The following PARN variants were observed in gnomAD, a reference collection of about 807,000 sequenced individuals.
PARN encodes the protein poly(A)-specific ribonuclease PARN.
A neutral mutation model predicts 102.8 loss-of-function variants in PARN; 71 were observed. The ratio of observed to expected loss-of-function variants is 0.69; its 90% CI spans 0.57 to 0.84. The LOEUF (loss-of-function observed/expected upper bound fraction) is 0.84. Ranked by LOEUF, PARN falls within the 40% of genes least tolerant of loss-of-function variation. The pLI is 0.00. For missense variants in PARN, 782 were observed against 760.9 expected (o/e 1.03, Z -0.33); for synonymous variants, 261 against 252.9 (o/e 1.03, Z -0.30).
At chr16:14,492,171 G>T (rs1461605877) in intron 21 of PARN, among the ~76,000 whole-genome samples, 6 of 152,232 alleles carry the variant, frequency 3.9e-5, no homozygotes, top group East Asian at 1.9e-4. Context: ...GAGGCTGAAA[G>T]AGTAGAAACT....
At chr16:14,485,198 T>A (rs888882534) in intron 21 of PARN, among the ~76,000 whole-genome samples, 3 of 151,952 alleles carry the variant, frequency 2.0e-5, no homozygotes, top group Non-Finnish European at 4.4e-5. Context: ...GGAGATGTGC[T>A]ATTGAGTAAA....
At chr16:14,501,787 T>G (rs576686791) in intron 21 of PARN, 1 of 152,316 alleles carries the variant, frequency 6.6e-6, no homozygotes, top group East Asian at 1.9e-4. Flanking sequence ...CTTTGGGGAA[T>G]GCATTAGGAA....
At chr16:14,583,484 A>G (rs1186103069) in intron 16 of PARN, among the ~76,000 whole-genome samples, 1 of 152,104 alleles carries the variant, frequency 6.6e-6, no homozygotes, top group Non-Finnish European at 1.5e-5. Flanking sequence ...AATATCTTCC[A>G]CTCCATCATC....
At chr16:14,449,872 T>G (rs1165013677) in intron 22 of PARN, among the ~76,000 whole-genome samples, 1 of 152,168 alleles carries the variant, frequency 6.6e-6, no homozygotes, top group Non-Finnish European at 1.5e-5. Context: ...ATGGGTCCTT[T>G]CTCACATTAC....
In PARN at chr16:14,629,633, C is replaced by A; in HGVS notation, c.61G>T (p.Glu21Ter). 1 of 1,613,648 alleles carries A rather than the reference C, an allele frequency of 6.2e-7. No homozygotes were observed. The highest frequency in any genetic ancestry group is 8.5e-7 in the Non-Finnish European group (1 of 1,179,522). ...CCATCGATGGCGAAGAAGTCGGCCT[C>A]CTCTATGGCCTGGTACACTTTGTGA... ...NLHKVYQAIE[E>*]ADFFAIDGEF... The change falls in exon 2 of 24, where the codon GAG (glutamate) becomes TAG (stop). Residue 21 changes from glutamate (E) to a stop codon, truncating the protein, a stop_gained. Transcript: ENST00000437198. LOFTEE classifies it high-confidence loss of function.
chr16:14,447,064 G>A lies in PARN; in HGVS notation c.1688C>T (p.Thr563Ile). 1 of 1,612,902 alleles carries A rather than the reference G, an allele frequency of 6.2e-7. No homozygotes were observed. The highest frequency in any genetic ancestry group is 8.5e-7 in the Non-Finnish European group (1 of 1,179,468). Residue 563 changes from threonine to isoleucine, a missense_variant, in exon 23 of 24, where the codon ACA (threonine) becomes ATA (isoleucine). Physicochemically the swap from Thr to Ile is moderately conservative, Grantham distance 89 (BLOSUM62 -1). Coordinates refer to ENST00000437198, the MANE Select transcript of PARN (RefSeq NM_002582.4). ...AGGACTCAAATTTCTCTTTCCTACT[G>A]TGCTGGGAGCTGTAAAACTGAAATG... ...YRNNSFTAPS[T>I]VGKRNLSPSQ...
At chr16:14,515,206 G>A (rs1965402404) in intron 21 of PARN, among the ~76,000 whole-genome samples, 1 of 152,044 alleles carries the variant, frequency 6.6e-6, no homozygotes, top group African/African-American at 2.4e-5. Context: ...TGAACTCCTG[G>A]GCTCCACAAT....
intron 23 of PARN, among the ~76,000 whole-genome samples, chr16:14,441,662 C>A (rs188287846): frequency 1.3e-3 from 192 of 152,380 alleles, no homozygotes; most frequent in African/African-American, 4.3e-3. Context: ...CAAATGCGCA[C>A]TGAGTGCCCT....
intron 18 of PARN, among the ~76,000 whole-genome samples, chr16:14,570,794 G>A (rs1353086321): frequency 4.3e-5 from 6 of 139,564 alleles, no homozygotes; most frequent in East Asian, 2.1e-4. Flanking sequence ...CGAGGGCAAC[G>A]TAATGAGGCC....
At chr16:14,446,166 T>C (rs1289144944) in intron 23 of PARN, among the ~76,000 whole-genome samples, 1 of 152,174 alleles carries the variant, frequency 6.6e-6, no homozygotes, top group Non-Finnish European at 1.5e-5. Context: ...GCTGTGGCCC[T>C]GTGTGGCATG....
intron 11 of PARN, among the ~76,000 whole-genome samples, chr16:14,600,970 G>A (rs753835872): frequency 1.4e-4 from 22 of 152,004 alleles, no homozygotes; most frequent in Non-Finnish European, 2.6e-4. Flanking sequence ...CTAACCCCAA[G>A]ACTAACAAGT....
At chr16:14,507,558 G>C (rs887678823) in intron 21 of PARN, among the ~76,000 whole-genome samples, 1 of 151,766 alleles carries the variant, frequency 6.6e-6, no homozygotes, top group Non-Finnish European at 1.5e-5. Context: ...GCATGGTGGT[G>C]TGTGTCTGTA....
chr16:14,523,376 G>A (rs1275787800), intron 21 of PARN, among the ~76,000 whole-genome samples: 2 of 152,078 alleles, frequency 1.3e-5, no homozygotes, highest in Admixed American at 1.3e-4. Flanking sequence ...TTAACAGTTA[G>A]AAAATGTACT....
At chr16:14,584,826 A>C (rs750729749) in intron 14 of PARN, 35 bp from the exon 15 acceptor site, 3 of 1,197,642 alleles carry the variant, frequency 2.5e-6, no homozygotes, top group South Asian at 2.7e-5. Flanking sequence ...AACAAAATGT[A>C]TATCAATGTT....
At chr16:14,473,541 A>T (rs1962868679) in intron 22 of PARN, among the ~76,000 whole-genome samples, 1 of 152,206 alleles carries the variant, frequency 6.6e-6, no homozygotes, top group Non-Finnish European at 1.5e-5. Flanking sequence ...TTAGCTATAG[A>T]ACCTAGAGCA....
At chr16:14,617,175 G>C (rs1971964024) in intron 6 of PARN, among the ~76,000 whole-genome samples, 1 of 151,598 alleles carries the variant, frequency 6.6e-6, no homozygotes, top group Non-Finnish European at 1.5e-5. Flanking sequence ...ACGAGGTCAG[G>C]AGATCGAGAC....
chr16:14,440,068 G>T (rs1431405692), intron 23 of PARN, among the ~76,000 whole-genome samples: 1 of 151,798 alleles, frequency 6.6e-6, no homozygotes, highest in Non-Finnish European at 1.5e-5. Context: ...ACAACAAAAT[G>T]AAAAGAAAAA....
chr16:14,629,536 A>G, intron 2 of PARN, 61 bp downstream of exon 2: 1 of 1,222,334 alleles, frequency 8.2e-7, no homozygotes, highest in South Asian at 1.2e-5. Context: ...GGGCTGGGGG[A>G]TTGAAGGAGC....
chr16:14,608,442 G>T, intron 8 of PARN, 123 bp from the exon 9 acceptor site: 1 of 619,606 alleles, frequency 1.6e-6, no homozygotes, highest in Non-Finnish European at 2.8e-6. Flanking sequence ...TAGGTAATTT[G>T]CAAACAAAAA....
Sources: gnomAD v4.1 joint callset for allele counts (sites outside exome capture counted in the v4.1 genomes callset) on GRCh38, gnomAD v4.1.1 for gene constraint, MANE v1.5 for transcripts, NCBI Gene and HGNC (gene_info 2026-07-23, HGNC 2026-07-21) for gene names.